GAB2: variants seen among roughly 807,000 people sequenced by gnomAD.
GAB2 encodes the protein GRB2 associated binding protein 2.
A neutral mutation model predicts 65.5 loss-of-function variants in GAB2; 26 were observed. The ratio of observed to expected loss-of-function variants is 0.40; its 90% CI spans 0.29 to 0.55. GAB2 has a LOEUF of 0.55. Among genes scored for constraint, GAB2 ranks in the 20% least tolerant of loss-of-function variants. The probability of loss-of-function intolerance (pLI) is 0.53; values close to 1 mark genes in which losing one functional copy is unlikely to be tolerated. For missense variants in GAB2, 884 were observed against 875.8 expected, an observed-to-expected ratio of 1.01 and a Z score of -0.12; for synonymous variants, 321 against 329.6, an observed-to-expected ratio of 0.97 and a Z score of 0.28.
intron 1 of GAB2, among the ~76,000 whole-genome samples, chr11:78,288,056 C>G (rs1866536350): frequency 6.6e-6 from 1 of 151,674 alleles, no homozygotes; most frequent in African/African-American, 2.4e-5. Context: ...AAAAAATGGT[C>G]CCTGTTTGCA....
intron 1 of GAB2, among the ~76,000 whole-genome samples, chr11:78,407,354 G>A (rs1857058196): frequency 6.6e-6 from 1 of 152,060 alleles, no homozygotes; most frequent in African/African-American, 2.4e-5. Flanking sequence ...ATGGGAGCTG[G>A]TCGTGGTGGC....
chr11:78,386,382 C>T (rs763197410), intron 1 of GAB2, among the ~76,000 whole-genome samples: 6 of 152,250 alleles, frequency 3.9e-5, no homozygotes, highest in Non-Finnish European at 8.8e-5. Flanking sequence ...CTTGATATCT[C>T]TTCTCTTGCT....
chr11:78,223,666 AT>A lies in GAB2; in HGVS notation c.1312del (p.Met438Ter). The A allele has an allele frequency of 6.3e-7, 1 of 1,598,628 alleles. No homozygotes were observed. Among genetic ancestry groups the A allele is most frequent in the Non-Finnish European group, 8.5e-7 (1 of 1,171,786 alleles). On this transcript the variant is annotated frameshift_variant, in exon 6 of 10. Coordinates refer to ENST00000361507, the MANE Select transcript of GAB2 (RefSeq NM_080491.3). LOFTEE classifies it high-confidence loss of function. The part of the protein sequence containing the change: ...DGVGSFLPGK[M>X]IVGRSDSTNS... Reference sequence around the variant, plus strand: ...GGTGCTGTCCGATCGGCCCACAATCATTTTCCCTGGCTAGGGAGAGGAACAG... The same window carrying A: ...GGTGCTGTCCGATCGGCCCACAATCATTTCCCTGGCTAGGGAGAGGAACAG...
intron 3 of GAB2, 86 bp downstream of exon 3, chr11:78,250,071 G>C: frequency 7.4e-7 from 1 of 1,351,122 alleles, no homozygotes; most frequent in East Asian, 2.3e-5. Context: ...ATAATGTTTT[G>C]CTTGTCTTTA....
intron 1 of GAB2, among the ~76,000 whole-genome samples, chr11:78,337,543 A>G (rs978931941): frequency 6.6e-6 from 1 of 152,216 alleles, no homozygotes; most frequent in Admixed American, 6.5e-5. Flanking sequence ...CAGGGAAAAG[A>G]GAAAGAAGGT....
chr11:78,332,657 T>C (rs1855935051), intron 1 of GAB2, among the ~76,000 whole-genome samples: 1 of 152,232 alleles, frequency 6.6e-6, no homozygotes. Flanking sequence ...AGCAATGGCA[T>C]GCAGGAAATT....
chr11:78,297,200 A>G (rs1866856345), intron 1 of GAB2, among the ~76,000 whole-genome samples: 1 of 152,162 alleles, frequency 6.6e-6, no homozygotes, highest in East Asian at 1.9e-4. Flanking sequence ...TGATAAAGGT[A>G]AGTTTGGTGA....
At chr11:78,413,749 T>C (rs1029134824) in intron 1 of GAB2, among the ~76,000 whole-genome samples, 2 of 152,128 alleles carry the variant, frequency 1.3e-5, no homozygotes, top group South Asian at 2.1e-4. Flanking sequence ...TTAGCTCAGA[T>C]AGAAGTGGCA....
At chr11:78,347,113 C>T (rs370914073) in intron 1 of GAB2, among the ~76,000 whole-genome samples, 5 of 152,120 alleles carry the variant, frequency 3.3e-5, no homozygotes, top group African/African-American at 4.8e-5. Flanking sequence ...TTCTGATGGA[C>T]CAGCTATAAA....
intron 1 of GAB2, among the ~76,000 whole-genome samples, chr11:78,299,849 T>C (rs925601817): frequency 6.6e-6 from 1 of 152,232 alleles, no homozygotes; most frequent in Non-Finnish European, 1.5e-5. Context: ...CTAGGAGCTA[T>C]TGGAAAGGCT....
intron 3 of GAB2, among the ~76,000 whole-genome samples, chr11:78,244,815 G>A (rs750856131): frequency 9.2e-5 from 14 of 152,138 alleles, no homozygotes; most frequent in Non-Finnish European, 1.9e-4. Flanking sequence ...GGAGAAAAGG[G>A]AACTCTTACA....
chr11:78,325,750 G>A (rs975857385), intron 1 of GAB2, among the ~76,000 whole-genome samples: 5 of 152,122 alleles, frequency 3.3e-5, no homozygotes, highest in Admixed American at 2.0e-4. Flanking sequence ...CCACTACATT[G>A]TCAGTAGTTA....
chr11:78,291,173 C>T (rs1159500873), intron 1 of GAB2, among the ~76,000 whole-genome samples: 1 of 151,360 alleles, frequency 6.6e-6, no homozygotes, highest in African/African-American at 2.4e-5. Flanking sequence ...TAGATCAAGG[C>T]TGGGCGTGGT....
chr11:78,392,857 T>G (rs1299383049), intron 1 of GAB2, among the ~76,000 whole-genome samples: 1 of 152,238 alleles, frequency 6.6e-6, no homozygotes, highest in Non-Finnish European at 1.5e-5. Context: ...CTCTGCAGCC[T>G]CTGACACTGC....
At position 78,417,627 on chromosome 11, in the gene GAB2, C is replaced by T. The variant is rs1378500441; in HGVS notation, c.75+19G>A. ...GGAGCGCCCCCCGCCCGCCCCTGGGCGGCCGCGCCCGCACTCACATAGCGC... is the reference window on the plus strand; with the variant it reads ...GGAGCGCCCCCCGCCCGCCCCTGGGTGGCCGCGCCCGCACTCACATAGCGC... On this transcript the variant is annotated intron_variant, in intron 1 of 9. Coordinates refer to ENST00000361507, the MANE Select transcript of GAB2 (RefSeq NM_080491.3). 9 of 1,314,882 alleles carry T rather than the reference C, an allele frequency of 6.8e-6. No individual in the cohort carries two copies. The highest frequency in any genetic ancestry group is 1.4e-5 in the South Asian group (1 of 69,034). The allele number at this position is 1,314,882 out of a possible 1,614,324, so 81.5% of individuals were successfully genotyped here. A position where few individuals can be genotyped will look rare whatever the true frequency, so the allele number is the denominator to read the frequency against.
intron 1 of GAB2, among the ~76,000 whole-genome samples, chr11:78,310,273 C>G (rs570996784): frequency 6.7e-6 from 1 of 149,980 alleles, no homozygotes. Context: ...GAGGCCAAGG[C>G]GGTTGGATAA....
At chr11:78,311,374 A>C (rs1855495978) in intron 1 of GAB2, among the ~76,000 whole-genome samples, 1 of 152,030 alleles carries the variant, frequency 6.6e-6, no homozygotes, top group Non-Finnish European at 1.5e-5. Context: ...GGTTGTTACA[A>C]GAATCAAGTA....
At chr11:78,402,123 C>A (rs1856981035) in intron 1 of GAB2, among the ~76,000 whole-genome samples, 1 of 152,208 alleles carries the variant, frequency 6.6e-6, no homozygotes, top group Non-Finnish European at 1.5e-5. Flanking sequence ...TCAAAGCCTT[C>A]TATTCCAATC....
intron 1 of GAB2, among the ~76,000 whole-genome samples, chr11:78,302,289 G>A (rs576408274): frequency 6.6e-6 from 1 of 152,140 alleles, no homozygotes; most frequent in South Asian, 2.1e-4. Context: ...CTATACATCT[G>A]ACAAAGGACT....
Sources: allele counts gnomAD v4.1 joint callset (sites outside exome capture counted in the v4.1 genomes callset), GRCh38; gene constraint gnomAD v4.1.1; transcripts MANE v1.5; gene names NCBI Gene and HGNC (gene_info 2026-07-23, HGNC 2026-07-21).